The following PPP3R1 variants were observed in gnomAD, a reference collection of about 807,000 sequenced individuals.
PPP3R1 encodes the protein calcineurin subunit B type 1.
Under a neutral mutation model 22.6 loss-of-function variants are expected in PPP3R1, and 5 were observed. That is an observed-to-expected ratio of 0.22 (90% CI 0.12 to 0.46). The LOEUF (loss-of-function observed/expected upper bound fraction) is 0.46. Among genes scored for constraint, PPP3R1 ranks in the 20% least tolerant of loss-of-function variants. The pLI is 0.99. For synonymous variants in PPP3R1, 56 were observed against 65.2 expected (o/e 0.86, Z 0.68); for missense variants, 61 against 203.2 (o/e 0.30, Z 4.25).
At chr2:68,202,402 GTT>G (rs1166589892) in intron 2 of PPP3R1, among the ~76,000 whole-genome samples, 1 of 114,950 alleles carries the variant, frequency 8.7e-6, no homozygotes, top group East Asian at 2.4e-4. Context: ...TTCTTTTTTC[GTT>G]TTTTGTTGTT....
intron 2 of PPP3R1, among the ~76,000 whole-genome samples, chr2:68,212,913 T>C (rs1669513627): frequency 6.6e-6 from 1 of 152,240 alleles, no homozygotes; most frequent in Non-Finnish European, 1.5e-5. Flanking sequence ...TGCTTCAACT[T>C]GCAAGTTATG....
chr2:68,227,686 TTAAC>T (rs896512204), intron 1 of PPP3R1, among the ~76,000 whole-genome samples: 2 of 152,112 alleles, frequency 1.3e-5, no homozygotes, highest in African/African-American at 4.8e-5. Flanking sequence ...CATAATATGT[TTAAC>T]TATTTTAAAG....
intron 2 of PPP3R1, among the ~76,000 whole-genome samples, chr2:68,193,674 C>A (rs764269303): frequency 3.9e-5 from 6 of 152,134 alleles, no homozygotes; most frequent in Non-Finnish European, 5.9e-5. Context: ...CACTTGCCAG[C>A]AGTGTTGCTG....
chr2:68,184,538 C>T (rs1235149418), intron 5 of PPP3R1, among the ~76,000 whole-genome samples: 1 of 152,108 alleles, frequency 6.6e-6, no homozygotes, highest in Non-Finnish European at 1.5e-5. Context: ...AAGCCTGTCA[C>T]TAATCATCTG....
At chr2:68,246,067 C>CTTTTTTTTTTTTTTTTTTT (rs746584723) in intron 1 of PPP3R1, among the ~76,000 whole-genome samples, 4 of 73,806 alleles carry the variant, frequency 5.4e-5, no homozygotes, top group Admixed American at 1.9e-4. Flanking sequence ...TTCTTTCTTT[C>CTTTTTTTTTTTTTTTTTTT]TTTTTTTTTT....
chr2:68,231,018 T>TG (rs1479140342), intron 1 of PPP3R1, among the ~76,000 whole-genome samples: 2 of 152,258 alleles, frequency 1.3e-5, no homozygotes, highest in African/African-American at 4.8e-5. Context: ...TGTAGCTTAA[T>TG]GTCTTTTGCC....
At chr2:68,236,305 C>A (rs1006646942) in intron 1 of PPP3R1, among the ~76,000 whole-genome samples, 1 of 152,154 alleles carries the variant, frequency 6.6e-6, no homozygotes. Flanking sequence ...TATGTACTGT[C>A]TATAGCTGCT....
At chr2:68,241,176 G>C (rs1189437389) in intron 1 of PPP3R1, among the ~76,000 whole-genome samples, 1 of 143,466 alleles carries the variant, frequency 7.0e-6, no homozygotes, top group Non-Finnish European at 1.5e-5. Context: ...GATATAAAAT[G>C]GCATAGTATT....
chr2:68,224,655 C>T (rs1464135287), intron 1 of PPP3R1, among the ~76,000 whole-genome samples: 3 of 149,004 alleles, frequency 2.0e-5, no homozygotes, highest in Admixed American at 1.3e-4. Context: ...CAGAGCAAGA[C>T]TCGTCTCAGG....
chr2:68,227,425 C>T (rs147170775), intron 1 of PPP3R1, among the ~76,000 whole-genome samples: 4 of 151,910 alleles, frequency 2.6e-5, no homozygotes, highest in Non-Finnish European at 4.4e-5. Flanking sequence ...ATCTTAGTAA[C>T]TGTTCTAGAA....
chr2:68,201,174 T>C (rs749340650), intron 2 of PPP3R1, among the ~76,000 whole-genome samples: 3 of 152,200 alleles, frequency 2.0e-5, no homozygotes, highest in Non-Finnish European at 4.4e-5. Context: ...TTTTATCTAC[T>C]GTTCCTATGT....
At chr2:68,192,654 T>C (rs1051926648) in intron 2 of PPP3R1, among the ~76,000 whole-genome samples, 1 of 152,134 alleles carries the variant, frequency 6.6e-6, no homozygotes, top group South Asian at 2.1e-4. Flanking sequence ...ATCATAATCA[T>C]AAATCAAATA....
intron 1 of PPP3R1, among the ~76,000 whole-genome samples, chr2:68,230,762 G>C (rs1285864207): frequency 6.6e-6 from 1 of 152,144 alleles, no homozygotes; most frequent in Non-Finnish European, 1.5e-5. Flanking sequence ...CATTCCAGAA[G>C]GGTGTTTTCT....
At chr2:68,242,424 T>TAAA (rs879324913) in intron 1 of PPP3R1, among the ~76,000 whole-genome samples, 2 of 127,988 alleles carry the variant, frequency 1.6e-5, no homozygotes, top group African/African-American at 5.8e-5. Context: ...AGACTCCGTC[T>TAAA]AAAAAAAAAA....
At chr2:68,219,445 C>T (rs146219246) in intron 1 of PPP3R1, among the ~76,000 whole-genome samples, 3 of 152,292 alleles carry the variant, frequency 2.0e-5, no homozygotes, top group South Asian at 2.1e-4. Context: ...CACCCCCTCA[C>T]GTTCAGCTTC....
At chr2:68,189,438 T>TA (rs1674615715) in intron 2 of PPP3R1, among the ~76,000 whole-genome samples, 1 of 152,248 alleles carries the variant, frequency 6.6e-6, no homozygotes, top group South Asian at 2.1e-4. Context: ...GTCTCTTATA[T>TA]AAATTCTTGA....
intron 2 of PPP3R1, among the ~76,000 whole-genome samples, chr2:68,200,838 A>T (rs1668720485): frequency 6.6e-6 from 1 of 152,114 alleles, no homozygotes; most frequent in Non-Finnish European, 1.5e-5. Context: ...CCTTCTCTCA[A>T]CATGTATATT....
At chr2:68,234,081 C>T (rs771405639) in intron 1 of PPP3R1, among the ~76,000 whole-genome samples, 8 of 152,154 alleles carry the variant, frequency 5.3e-5, no homozygotes, top group Non-Finnish European at 7.4e-5. Context: ...CGGTGGCTCA[C>T]GCCTGTAATC....
At chr2:68,192,780 A>C (rs1479273845) in intron 2 of PPP3R1, among the ~76,000 whole-genome samples, 2 of 152,176 alleles carry the variant, frequency 1.3e-5, no homozygotes, top group Non-Finnish European at 2.9e-5. Flanking sequence ...TTTCTAATAC[A>C]AAAAGTCTAA....
Sources: gnomAD v4.1 joint callset for allele counts (sites outside exome capture counted in the v4.1 genomes callset) on GRCh38, gnomAD v4.1.1 for gene constraint, MANE v1.5 for transcripts, NCBI Gene and HGNC (gene_info 2026-07-23, HGNC 2026-07-21) for gene names.